Variants in PRRT3 observed in about 807,000 individuals in gnomAD.
PRRT3 encodes the protein proline-rich transmembrane protein 3.
Under a neutral mutation model 56.6 loss-of-function variants are expected in PRRT3, and 48 were observed. That is an observed-to-expected ratio of 0.85 (90% confidence interval 0.67 to 1.08). PRRT3 has a LOEUF of 1.08. Ranked by LOEUF, PRRT3 falls within the 50% of genes least tolerant of loss-of-function variation. PRRT3 has a pLI of 0.00. For missense variants in PRRT3, 1,370 were observed against 1,353.1 expected (o/e 1.01, Z -0.20); for synonymous variants, 641 against 619.1 (o/e 1.04, Z -0.52).
In PRRT3 at chr3:9,947,776, A is replaced by C; in HGVS notation, c.1397T>G (p.Val466Gly). 6.8e-7 allele frequency: 1 copy of C among 1,476,284 alleles called. No homozygotes were observed. The highest frequency in any genetic ancestry group is 9.0e-7 in the Non-Finnish European group (1 of 1,115,652). 91.4% of individuals were successfully genotyped at this position (1,476,284 alleles called of 1,614,324 possible). A position where few individuals can be genotyped will look rare whatever the true frequency, so the allele number is the denominator to read the frequency against. ...PPLRWGPLRRVLSFSWELHVY... is the reference protein window; with the variant it reads ...PPLRWGPLRRGLSFSWELHVY... The stretch of plus-strand genomic sequence containing the variant: ...GTGCAGCTCCCAGGAGAAGCTCAGG[A>C]CCCGCCGAAGGGGGCCCCAGCGTAG... The change falls in exon 4 of 4, where the codon GTC (valine) becomes GGC (glycine). Residue 466 changes from valine to glycine, a missense_variant. Physicochemically the swap from Val to Gly is moderately radical, Grantham distance 109. Coordinates refer to ENST00000412055, the MANE Select transcript of PRRT3 (RefSeq NM_207351.5). This position sits in a 1 kb window ranked among gnomAD's most constrained non-coding sequence, Gnocchi z 9.2.
intron 3 of PRRT3, 129 bp downstream of exon 3, chr3:9,948,629 T>C: frequency 9.4e-7 from 1 of 1,058,340 alleles, no homozygotes; most frequent in Non-Finnish European, 1.4e-6. Flanking sequence ...AAGGAGGCCC[T>C]GGGCAACTCC....
chr3:9,949,938 C>T lies in PRRT3; in HGVS notation c.178G>A (p.Val60Met), dbSNP rs374087278. ...TCAGCTCTGGGGTTCTCCGGGAACA[C>T]GTCAAAGGCCTGGGGCTCTGAGCCC... Reference protein sequence around the residue: ...SVGSEPQAFDVFPENPRADSH... With the variant: ...SVGSEPQAFDMFPENPRADSH... The change falls in exon 2 of 4, where the codon GTG becomes ATG. Residue 60 changes from valine (V) to methionine (M), a missense_variant. Val to Met is a conservative substitution (Grantham distance 21, BLOSUM62 1). Transcript: ENST00000412055. This position sits in a 1 kb window ranked among gnomAD's most constrained non-coding sequence, Gnocchi z 4.5. 1.7e-5 allele frequency: 28 copies of T among 1,604,240 alleles called. No individual in the cohort carries two copies. Among genetic ancestry groups the T allele is most frequent in the South Asian group, 8.9e-5 (8 of 89,760 alleles).
At position 9,947,906 on chromosome 3, in the gene PRRT3, T is replaced by C; in HGVS notation, c.1267A>G (p.Thr423Ala). The C allele has an allele frequency of 7.0e-7, 1 of 1,422,150 alleles. No individual in the cohort carries two copies. The highest frequency in any genetic ancestry group is 9.2e-7 in the Non-Finnish European group (1 of 1,090,730). 88.1% of individuals were successfully genotyped at this position (1,422,150 alleles called of 1,614,324 possible). ...GGCTGGCCCAGGGCTCGCTGCGTGG[T>C]GACTCGAATGAGGCCCCGGCGTGAC... The part of the protein sequence containing the change: ...STSRRGLIRV[T>A]TQRALGQPPP... The change falls in exon 4 of 4, where the codon ACC (threonine) becomes GCC (alanine). Residue 423 changes from threonine to alanine, a missense_variant. Thr to Ala is a moderately conservative substitution (Grantham distance 58). Coordinates refer to ENST00000412055, the MANE Select transcript of PRRT3 (RefSeq NM_207351.5). The surrounding 1 kb of genome is among the most constrained non-coding windows in gnomAD (Gnocchi z 9.2).
At position 9,946,566 on chromosome 3, in the gene PRRT3, G is replaced by C. The variant is rs1367973272; in HGVS notation, c.2607C>G (p.Arg869=). ...ELDDAGSSLL[R]GRCRSLSDVR... ...CGTCGCTGAGCGACCTGCAGCGGCC[G>C]CGGAGGAGCGAGGAGCCAGCGTCGT... is the stretch of plus-strand genomic sequence containing the variant. The change falls in exon 4 of 4, where the codon CGC becomes CGG. Residue 869 remains arginine, a synonymous_variant. Coordinates refer to ENST00000412055, the MANE Select transcript of PRRT3 (RefSeq NM_207351.5). This position sits in a 1 kb window ranked among gnomAD's most constrained non-coding sequence, Gnocchi z 4.1. The C allele has an allele frequency of 7.1e-7, 1 of 1,416,628 alleles. No individual in the cohort carries two copies. The highest frequency in any genetic ancestry group is 3.3e-5 in the Admixed American group (1 of 30,564). The allele number at this position is 1,416,628 out of a possible 1,614,324, so 87.8% of individuals were successfully genotyped here.
rs1487704472 is a variant in PRRT3 at position 9,946,302 on chromosome 3, G to C, written c.2871C>G (p.Asp957Glu). ...CGCGCGGCTGGACCTCTCCCTGGCCGTCCCCCTGCCGAGCGGCGGTAGAAT... is the reference window on the plus strand; with the variant it reads ...CGCGCGGCTGGACCTCTCCCTGGCCCTCCCCCTGCCGAGCGGCGGTAGAAT... ...APDSTAARQG[D>E]GQGEVQPRGK... The change falls in exon 4 of 4, where the codon GAC becomes GAG. Residue 957 changes from aspartate to glutamate, a missense_variant. By Grantham distance (45) the Asp-to-Glu change is conservative. Transcript: ENST00000412055. This position sits in a 1 kb window ranked among gnomAD's most constrained non-coding sequence, Gnocchi z 4.1. The C allele has an allele frequency of 3.7e-6, 6 of 1,612,522 alleles. No individual in the cohort carries two copies. Among genetic ancestry groups the C allele is most frequent in the African/African-American group, 1.3e-5 (1 of 74,916 alleles).
In PRRT3 at chr3:9,952,369, G is replaced by C. The variant is rs2085633591; in HGVS notation, c.-105C>G. On this transcript the variant is annotated 5_prime_UTR_variant, in exon 1 of 4. In the 5' UTR this introduces an upstream ATG that the reference lacks. Transcript: ENST00000412055. Reference sequence around the variant, plus strand: ...TCACCTTGCGCGCGTCCCTGCAGCCGATCGCCGCGCCGCATCCTCCGAGAT... The same window carrying C: ...TCACCTTGCGCGCGTCCCTGCAGCCCATCGCCGCGCCGCATCCTCCGAGAT... 6.6e-6 allele frequency: 1 copy of C among 152,254 alleles called. No homozygotes were observed. The highest frequency in any genetic ancestry group is 2.1e-4 in the South Asian group (1 of 4,838). 9.4% of individuals were successfully genotyped at this position (152,254 alleles called of 1,614,324 possible).
chr3:9,947,326 G>A lies in PRRT3; in HGVS notation c.1847C>T (p.Thr616Met), dbSNP rs752299468. The change falls in exon 4 of 4, where the codon ACG (threonine) becomes ATG (methionine). Residue 616 changes from threonine (T) to methionine (M), a missense_variant. Coordinates refer to ENST00000412055, the MANE Select transcript of PRRT3 (RefSeq NM_207351.5). The surrounding 1 kb of genome is among the most constrained non-coding windows in gnomAD (Gnocchi z 9.2). ...CAGGCGGCGACGGCACAGGCAGAGC[G>A]TGCCCAGAGCCACGGCCGCGCCCCA... Reference protein sequence around the residue: ...CAWGAAVALGTLCLCRRRLLD... With the variant: ...CAWGAAVALGMLCLCRRRLLD... 1 of 1,604,308 alleles carries A rather than the reference G, an allele frequency of 6.2e-7. No homozygotes were observed. The highest frequency in any genetic ancestry group is 8.5e-7 in the Non-Finnish European group (1 of 1,177,222).
Position 9,947,904 on chromosome 3 carries a change from G to T in PRRT3, c.1269C>A (p.Thr423=). The change falls in exon 4 of 4, where the codon ACC becomes ACA. Residue 423 remains threonine (T), a synonymous_variant. Transcript: ENST00000412055. The surrounding 1 kb of genome is among the most constrained non-coding windows in gnomAD (Gnocchi z 9.2). ...GAGGCTGGCCCAGGGCTCGCTGCGT[G>T]GTGACTCGAATGAGGCCCCGGCGTG... ...STSRRGLIRV[T]TQRALGQPPP... is the part of the protein sequence containing the mutation. The T allele has an allele frequency of 7.0e-7, 1 of 1,427,040 alleles. No individual in the cohort carries two copies. Among genetic ancestry groups the T allele is most frequent in the East Asian group, 2.7e-5 (1 of 36,828 alleles). The allele number at this position is 1,427,040 out of a possible 1,614,324, so 88.4% of individuals were successfully genotyped here.
rs746276060 is a variant in PRRT3 at position 9,946,434 on chromosome 3, C to T, written c.2739G>A (p.Lys913=). Residue 913 remains lysine, a synonymous_variant, in exon 4 of 4, where the codon AAG becomes AAA. Transcript: ENST00000412055. This position sits in a 1 kb window ranked among gnomAD's most constrained non-coding sequence, Gnocchi z 4.1. ...CGTGGCGCCAGGGGTTCCAACTGAT[C>T]TTGAGTGAACCCCTGGAGAAGCTGT... ...SLDSFSRGSL[K]ISWNPWRHGL... 1,223 of 1,596,044 alleles carry T rather than the reference C, an allele frequency of 7.7e-4. 1 individual carries two copies. The highest frequency in any genetic ancestry group is 9.7e-4 in the Non-Finnish European group (1,141 of 1,171,496).
At chr3:9,951,161 T>C (rs1331819040) in intron 1 of PRRT3, among the ~76,000 whole-genome samples, 1 of 152,124 alleles carries the variant, frequency 6.6e-6, no homozygotes, top group Non-Finnish European at 1.5e-5. Context: ...CAGCCTCCAG[T>C]ATATACCTGG....
rs749633520 is a variant in PRRT3, at chr3:9,947,605, G to C, written c.1568C>G (p.Thr523Ser). ...ASALRSAYML[T>S]DPYGSQARLG... ...CCGCGCCTGCGAGCCGTAAGGGTCG[G>C]TAAGCATGTAGGCGGATCGCAGCGC... The change falls in exon 4 of 4, where the codon ACC becomes AGC. Residue 523 changes from threonine (T) to serine (S), a missense_variant. By Grantham distance (58) the Thr-to-Ser change is moderately conservative. Coordinates refer to ENST00000412055, the MANE Select transcript of PRRT3 (RefSeq NM_207351.5). The surrounding 1 kb of genome is among the most constrained non-coding windows in gnomAD (Gnocchi z 9.2). The C allele has an allele frequency of 1.2e-6, 2 of 1,600,186 alleles. No individual in the cohort carries two copies. Among genetic ancestry groups the C allele is most frequent in the African/African-American group, 2.7e-5 (2 of 74,618 alleles).
At position 9,949,906 on chromosome 3, in the gene PRRT3, G is replaced by A. The variant is rs1218556051; in HGVS notation, c.210C>T (p.His70=). Residue 70 remains histidine, a synonymous_variant, in exon 2 of 4, where the codon CAC becomes CAT. Coordinates refer to ENST00000412055, the MANE Select transcript of PRRT3 (RefSeq NM_207351.5). The surrounding 1 kb of genome is among the most constrained non-coding windows in gnomAD (Gnocchi z 4.5). ...GGGCGTGGCGGACATCAGAGTTCCT[G>A]TGACTGTCAGCTCTGGGGTTCTCCG... is the stretch of plus-strand genomic sequence containing the variant. The part of the protein sequence containing the change: ...VFPENPRADS[H]RNSDVRHAPA... 3 of 1,612,830 alleles carry A rather than the reference G, an allele frequency of 1.9e-6. No homozygotes were observed. In the South Asian group the frequency reaches 3.3e-5, roughly 18 times the overall value.
intron 1 of PRRT3, among the ~76,000 whole-genome samples, chr3:9,951,730 C>CACACA (rs1393311558): frequency 3.9e-5 from 6 of 152,142 alleles, no homozygotes; most frequent in Admixed American, 3.9e-4. Flanking sequence ...CTTAGCAACA[C>CACACA]GTCACTCCGC....
chr3:9,946,297 T>C lies in PRRT3; in HGVS notation c.2876A>G (p.Gln959Arg). ...DSTAARQGDG[Q>R]GEVQPRGKPG... ...CTTGCCGCGCGGCTGGACCTCTCCC[T>C]GGCCGTCCCCCTGCCGAGCGGCGGT... The change falls in exon 4 of 4, where the codon CAG (glutamine) becomes CGG (arginine). Residue 959 changes from glutamine (Q) to arginine (R), a missense_variant. Gln to Arg is a conservative substitution (Grantham distance 43, BLOSUM62 1). Transcript: ENST00000412055. The surrounding 1 kb of genome is among the most constrained non-coding windows in gnomAD (Gnocchi z 4.1). The C allele has an allele frequency of 1.2e-6, 2 of 1,612,672 alleles. No individual in the cohort carries two copies. Among genetic ancestry groups the C allele is most frequent in the East Asian group, 2.2e-5 (1 of 44,838 alleles).
chr3:9,946,253 C>T lies in PRRT3; in HGVS notation c.2920G>A (p.Ala974Thr), dbSNP rs781276403. The change falls in exon 4 of 4, where the codon GCC becomes ACC. Residue 974 changes from alanine (A) to threonine (T), a missense_variant. Physicochemically the swap from Ala to Thr is moderately conservative, Grantham distance 58. Coordinates refer to ENST00000412055, the MANE Select transcript of PRRT3 (RefSeq NM_207351.5). The surrounding 1 kb of genome is among the most constrained non-coding windows in gnomAD (Gnocchi z 4.1). ...CAAAGCTCGATGGTATCACTGGAGG[C>T]GCTGCGGGATTCCCCAGGCTTGCCG... ...PRGKPGESRS[A>T]SSDTIEL 1.9e-6 allele frequency: 3 copies of T among 1,612,550 alleles called. No individual in the cohort carries two copies. Among genetic ancestry groups the T allele is most frequent in the East Asian group, 4.5e-5 (2 of 44,836 alleles).
Position 9,948,738 on chromosome 3 carries a change from C to T in PRRT3, c.1171+20G>A, listed in dbSNP as rs2085569888. 2 of 1,613,846 alleles carry T rather than the reference C, an allele frequency of 1.2e-6. No individual in the cohort carries two copies. Among genetic ancestry groups the T allele is most frequent in the Non-Finnish European group, 8.5e-7 (1 of 1,179,920 alleles). ...CTAGACAGAGCACTCCCTCTCCCCA[C>T]ACCCCAGCCATGCTCTCACCTGGCT... On this transcript the variant is annotated intron_variant, in intron 3 of 3. Transcript: ENST00000412055.
At chr3:9,950,355 C>T (rs2085604463) in intron 1 of PRRT3, among the ~76,000 whole-genome samples, 183 bp from the exon 2 acceptor site, 1 of 152,242 alleles carries the variant, frequency 6.6e-6, no homozygotes, top group African/African-American at 2.4e-5. Flanking sequence ...CAAGAAAGAA[C>T]ATAAGCTCCT....
Position 9,948,876 on chromosome 3 carries a change from G to T in PRRT3, c.1053C>A (p.Pro351=), listed in dbSNP as rs886463966. The T allele has an allele frequency of 4.4e-6, 7 of 1,604,552 alleles. No homozygotes were observed. The highest frequency in any genetic ancestry group is 1.1e-5 in the South Asian group (1 of 90,558). ...CCTCCACAGCTCCTCTCACCCGCTGGGGGGAGATGGGGTCTGCTCCATTCA... is the reference window on the plus strand; with the variant it reads ...CCTCCACAGCTCCTCTCACCCGCTGTGGGGAGATGGGGTCTGCTCCATTCA... ...AAMNGADPIS[P]QRVRGAVEAP... The change falls in exon 3 of 4, where the codon CCC becomes CCA. Residue 351 remains proline, a synonymous_variant. Transcript: ENST00000412055.
At position 9,946,019 on chromosome 3, in the gene PRRT3, C is replaced by T; in HGVS notation, c.*208G>A. 1.4e-6 allele frequency: 1 copy of T among 694,242 alleles called. No homozygotes were observed. The highest frequency in any genetic ancestry group is 2.1e-5 in the South Asian group (1 of 48,724). 43.0% of individuals were successfully genotyped at this position (694,242 alleles called of 1,614,324 possible). A position where few individuals can be genotyped will look rare whatever the true frequency, so the allele number is the denominator to read the frequency against. On this transcript the variant is annotated 3_prime_UTR_variant, in exon 4 of 4. Coordinates refer to ENST00000412055, the MANE Select transcript of PRRT3 (RefSeq NM_207351.5). This position sits in a 1 kb window ranked among gnomAD's most constrained non-coding sequence, Gnocchi z 4.1. ...AATTTTTTTGTATTTTTAGTAGAGA[C>T]GAGGGTTTCGCTATGTTCGAGACCA...
Sources: allele counts gnomAD v4.1 joint callset (sites outside exome capture counted in the v4.1 genomes callset), GRCh38; gene constraint gnomAD v4.1.1; non-coding constraint Gnocchi (gnomAD v3.1); transcripts MANE v1.5; gene names NCBI Gene and HGNC (gene_info 2026-07-23, HGNC 2026-07-21).